The following ASPRV1 variants were observed in gnomAD, a reference collection of about 807,000 sequenced individuals.
ASPRV1 encodes retroviral-like aspartic protease 1.
In ASPRV1, 7 loss-of-function variants were observed where a neutral mutation model predicts 11.0. The observed-to-expected ratio is 0.64, with a 90% CI of 0.36 to 1.20. The LOEUF is 1.20. Among genes scored for constraint, ASPRV1 ranks in the 50% most tolerant of loss-of-function variants. ASPRV1 has a pLI of 0.02. For synonymous variants in ASPRV1, 136 were observed against 138.4 expected (o/e 0.98, Z 0.12); for missense variants, 299 against 320.0 (o/e 0.93, Z 0.50).
chr2:69,964,094 A>G (rs1039668040), upstream of ASPRV1: 12 of 206,438 alleles, frequency 5.8e-5, no homozygotes, highest in East Asian at 1.4e-3. Context: ...ACACCCCTGC[A>G]TGGAAGCCTT....
the ASPRV1 span, among the ~76,000 whole-genome samples, chr2:69,972,713 T>C: frequency 1.3e-5 from 2 of 152,084 alleles, no homozygotes; most frequent in African/African-American, 4.8e-5. Context: ...TTCCTCGTCC[T>C]CCCTGGTCCC....
the ASPRV1 span, among the ~76,000 whole-genome samples, chr2:70,048,044 G>C: frequency 6.8e-6 from 1 of 147,968 alleles, no homozygotes; most frequent in South Asian, 2.1e-4. Context: ...GGGAGGCAGA[G>C]GTTGCAGTGA....
the ASPRV1 span, chr2:70,054,294 A>AAATAAATAAATAAAT: frequency 3.3e-5 from 4 of 121,006 alleles, no homozygotes; most frequent in African/African-American, 6.3e-5. Flanking sequence ...TCCGTCTCAA[A>AAATAAATAAATAAAT]AAATAAAAAA....
At chr2:69,967,554 T>C in the ASPRV1 span, among the ~76,000 whole-genome samples, 2 of 152,152 alleles carry the variant, frequency 1.3e-5, no homozygotes, top group Non-Finnish European at 1.5e-5. Context: ...CAGGATAGGA[T>C]GCCTCGGAGA....
At chr2:70,032,726 T>C in the ASPRV1 span, among the ~76,000 whole-genome samples, 2 of 152,314 alleles carry the variant, frequency 1.3e-5, no homozygotes, top group Middle Eastern at 3.4e-3. Flanking sequence ...GTGTAAGACT[T>C]TGCCCAACCT....
At chr2:70,052,392 G>A in the ASPRV1 span, among the ~76,000 whole-genome samples, 1 of 152,116 alleles carries the variant, frequency 6.6e-6, no homozygotes, top group African/African-American at 2.4e-5. Context: ...TGGTAAAACA[G>A]TAACAAGATA....
At chr2:70,038,325 T>C in the ASPRV1 span, among the ~76,000 whole-genome samples, 113 of 152,294 alleles carry the variant, frequency 7.4e-4, no homozygotes, top group African/African-American at 2.5e-3. Flanking sequence ...GAAAGTTGAA[T>C]TGCTTGAGGC....
At chr2:70,062,702 G>C in the ASPRV1 span, among the ~76,000 whole-genome samples, 1 of 152,306 alleles carries the variant, frequency 6.6e-6, no homozygotes, top group Admixed American at 6.5e-5. Flanking sequence ...TGAAGCAGAA[G>C]GGTCATTTGA....
chr2:70,022,080 T>C, the ASPRV1 span, among the ~76,000 whole-genome samples: 4 of 151,288 alleles, frequency 2.6e-5, no homozygotes, highest in South Asian at 8.4e-4. Context: ...AGTGGTGCGA[T>C]CTCGGCTCAC....
downstream of ASPRV1, among the ~76,000 whole-genome samples, chr2:69,959,585 A>G (rs574794545): frequency 4.5e-4 from 68 of 150,368 alleles, no homozygotes; most frequent in African/African-American, 1.6e-3. Context: ...GAAGAAGCTG[A>G]CCTCCCACCG....
At chr2:69,966,977 C>T in the ASPRV1 span, among the ~76,000 whole-genome samples, 1 of 152,168 alleles carries the variant, frequency 6.6e-6, no homozygotes, top group African/African-American at 2.4e-5. Context: ...AGAGCCCTTA[C>T]ATGTATAGAA....
chr2:69,937,480 T>G, the ASPRV1 span: 4 of 1,326,622 alleles, frequency 3.0e-6, no homozygotes, highest in Non-Finnish European at 4.1e-6. Context: ...GGAGGCAGAG[T>G]GTAAGAAGAA....
the ASPRV1 span, among the ~76,000 whole-genome samples, chr2:70,038,401 G>C: frequency 6.6e-6 from 1 of 152,118 alleles, no homozygotes; most frequent in African/African-American, 2.4e-5. Flanking sequence ...AACATACCAA[G>C]ACCCTGTCAC....
the ASPRV1 span, among the ~76,000 whole-genome samples, chr2:69,949,021 G>C: frequency 6.6e-6 from 1 of 152,104 alleles, no homozygotes; most frequent in Non-Finnish European, 1.5e-5. Context: ...TGTCCTTGAG[G>C]ACCCCCGACT....
the ASPRV1 span, among the ~76,000 whole-genome samples, chr2:69,990,314 G>C: frequency 6.6e-6 from 1 of 152,112 alleles, no homozygotes. Context: ...CTCCCGAGTA[G>C]CTGGGATTAC....
At chr2:70,056,648 CGTTT>C in the ASPRV1 span, 3 of 146,624 alleles carry the variant, frequency 2.0e-5, no homozygotes, top group African/African-American at 7.7e-5. Context: ...GCATATTTTA[CGTTT>C]GTTTTTTACA....
downstream of ASPRV1, among the ~76,000 whole-genome samples, chr2:69,956,451 G>GGAAGAAGAAGAAGAA (rs112463800): frequency 1.5e-3 from 148 of 98,046 alleles, 12 homozygotes; most frequent in African/African-American, 7.7e-3. Flanking sequence ...AAGGAGAAGA[G>GGAAGAAGAAGAAGAA]GAAGAAGAAG....
chr2:70,080,854 T>A, the ASPRV1 span: 1 of 152,252 alleles, frequency 6.6e-6, no homozygotes, highest in Non-Finnish European at 1.5e-5. Context: ...GGCCTTTGCT[T>A]CCTCTGCCTG....
At chr2:70,006,216 CCT>C in the ASPRV1 span, among the ~76,000 whole-genome samples, 1 of 152,142 alleles carries the variant, frequency 6.6e-6, no homozygotes, top group Non-Finnish European at 1.5e-5. Context: ...TAAAACTGTC[CCT>C]GTTTGAGAAC....
Sources: gnomAD v4.1 joint callset for allele counts (sites outside exome capture counted in the v4.1 genomes callset) on GRCh38, gnomAD v4.1.1 for gene constraint, MANE v1.5 for transcripts, NCBI Gene and HGNC (gene_info 2026-07-23, HGNC 2026-07-21) for gene names.